Variants in RPL23A observed in about 807,000 individuals in gnomAD.
The protein encoded by RPL23A is large ribosomal subunit protein uL23.
Under a neutral mutation model 17.6 loss-of-function variants are expected in RPL23A, and 2 were observed. That is an observed-to-expected ratio of 0.11 (90% CI 0.05 to 0.36). The LOEUF is 0.36. Among genes scored for constraint, RPL23A ranks in the 10% least tolerant of loss-of-function variants. RPL23A has a pLI of 1.00. For synonymous variants in RPL23A, 65 were observed against 74.3 expected, an observed-to-expected ratio of 0.87 and a Z score of 0.65; for missense variants, 132 against 194.4, an observed-to-expected ratio of 0.68 and a Z score of 1.91.
At position 28,722,725 on chromosome 17, in the gene RPL23A, T is replaced by G. The variant is rs1221588001; in HGVS notation, c.212T>G (p.Leu71Arg). The G allele has an allele frequency of 2.5e-6, 4 of 1,614,144 alleles. No individual in the cohort carries two copies. The highest frequency in any genetic ancestry group is 3.4e-6 in the Non-Finnish European group (4 of 1,179,990). ...TGACCCCATTTTGCCTCTCCCAGGC[T>G]TGACCACTATGCTATCATCAAGTTT... ...PRKSAPRRNK[L>R]DHYAIIKFPL... is the part of the protein sequence containing the mutation. The change falls in exon 3 of 5, where the codon CTT (leucine) becomes CGT (arginine). Residue 71 changes from leucine to arginine, a missense_variant and splice_region_variant. Around this residue, in one of 2 missense-constraint regions of RPL23A, gnomAD observed 69 missense variants for 145.5 expected, o/e 0.47. Transcript: ENST00000422514.
intron 3 of RPL23A, among the ~76,000 whole-genome samples, chr17:28,723,113 T>A (rs527578097): frequency 3.3e-3 from 437 of 131,546 alleles, no homozygotes; most frequent in African/African-American, 9.2e-3. Context: ...AGGCCCTTTT[T>A]AAAAAAAAAA....
rs555474510 is a variant in RPL23A, at chr17:28,721,332, C to A, written c.209+442C>A. 1.2e-4 allele frequency: 18 copies of A among 154,548 alleles called. No individual in the cohort carries two copies. In the South Asian group the frequency reaches 2.5e-3, roughly 22 times the overall value. The allele number at this position is 154,548 out of a possible 1,614,324, so 9.6% of individuals were successfully genotyped here. ...TCGTACCATTGCATTCCAGCCTGGGCAATAAGAGTGAAACTCTGTCTCAAA... is the reference window on the plus strand; with the variant it reads ...TCGTACCATTGCATTCCAGCCTGGGAAATAAGAGTGAAACTCTGTCTCAAA... On this transcript the variant is annotated intron_variant, in intron 2 of 4. Transcript: ENST00000422514.
Position 28,724,348 on chromosome 17 carries a change from T to C in RPL23A, c.*467T>C, listed in dbSNP as rs1597798774. The C allele has an allele frequency of 2.0e-5, 19 of 948,122 alleles. No homozygotes were observed. In the East Asian group the frequency reaches 4.3e-4, roughly 22 times the overall value. The allele number at this position is 948,122 out of a possible 1,614,324, so 58.7% of individuals were successfully genotyped here. ...CCCTTGCCCAATAAAGGACAAGGAC[T>C]TCAGAGGAGTACTTTCATTAGTGTT... On this transcript the variant is annotated 3_prime_UTR_variant, in exon 5 of 5. Transcript: ENST00000422514.
intron 2 of RPL23A, chr17:28,722,420 G>C: frequency 4.2e-6 from 2 of 472,712 alleles, no homozygotes; most frequent in South Asian, 3.3e-5. Context: ...CTCGTGATCA[G>C]CCTGCCTCAG....
chr17:28,720,170 G>T, intron 1 of RPL23A, 140 bp downstream of exon 1: 1 of 1,528,600 alleles, frequency 6.5e-7, no homozygotes, highest in Non-Finnish European at 8.8e-7. Context: ...ACACGCTGCA[G>T]TATACGTGGG....
At position 28,724,042 on chromosome 17, in the gene RPL23A, C is replaced by A. The variant is rs149030616; in HGVS notation, c.*161C>A. On this transcript the variant is annotated 3_prime_UTR_variant, in exon 5 of 5. Coordinates refer to ENST00000422514, the MANE Select transcript of RPL23A (RefSeq NM_000984.6). ...TGTTCTACTTATCCTTTTGAAATAC[C>A]TCACCCTGCCACTCCACCATGTATG... The A allele has an allele frequency of 8.8e-4, 495 of 561,896 alleles. 4 individuals carry two copies. The highest frequency in any genetic ancestry group is 7.4e-3 in the African/African-American group (391 of 53,008). The allele number at this position is 561,896 out of a possible 1,614,324, so 34.8% of individuals were successfully genotyped here.
At chr17:28,720,610 G>A (rs1237440454) in intron 1 of RPL23A, 97 bp from the exon 2 acceptor site, 6 of 1,412,422 alleles carry the variant, frequency 4.2e-6, no homozygotes, top group Non-Finnish European at 6.0e-6. Context: ...AGGAACCACT[G>A]ATGCACCTGT....
At chr17:28,722,552 G>A (rs1421857761) in intron 2 of RPL23A, 171 bp from the exon 3 acceptor site, 2 of 771,188 alleles carry the variant, frequency 2.6e-6, no homozygotes, top group Non-Finnish European at 2.4e-6. Context: ...TCTGCCCCTG[G>A]GATTGGGGCT....
intron 2 of RPL23A, chr17:28,722,387 C>T: frequency 2.5e-6 from 1 of 400,678 alleles, no homozygotes; most frequent in Non-Finnish European, 4.9e-6. Context: ...CCATGTTGGC[C>T]AGGATGGTCA....
intron 3 of RPL23A, 55 bp from the exon 4 acceptor site, chr17:28,723,516 G>T (rs1475765045): frequency 8.1e-7 from 1 of 1,241,602 alleles, no homozygotes; most frequent in East Asian, 2.3e-5. Flanking sequence ...GAGGAAGGGG[G>T]AGGGTGTGGG....
At position 28,720,470 on chromosome 17, in the gene RPL23A, A is replaced by C. The variant is rs781128965; in HGVS notation, c.26-237A>C. The C allele has an allele frequency of 2.3e-5, 37 of 1,606,588 alleles. No homozygotes were observed. The African/African-American group carries it at 4.4e-4, about 19-fold the overall frequency. On this transcript the variant is annotated intron_variant, in intron 1 of 4. Coordinates refer to ENST00000422514, the MANE Select transcript of RPL23A (RefSeq NM_000984.6). ...CGTAGGACATTTTCTGGAAAGTATC[A>C]AGCGTTCATTCAGTGCTACTTTGTT...
chr17:28,721,920 G>C (rs981609832), intron 2 of RPL23A: 3 of 152,160 alleles, frequency 2.0e-5, no homozygotes. Context: ...TTAAGCCACT[G>C]CTGTGGCTTA....
intron 2 of RPL23A, chr17:28,722,522 A>G: frequency 1.4e-6 from 1 of 735,038 alleles, no homozygotes; most frequent in Non-Finnish European, 2.5e-6. Context: ...GCCCTTCAAG[A>G]GAAAGAAAAT....
chr17:28,721,245 G>A (rs1222660317), intron 2 of RPL23A: 1 of 222,254 alleles, frequency 4.5e-6, no homozygotes, highest in South Asian at 5.7e-5. Flanking sequence ...CCAGCTACTC[G>A]CGGGAGGCTG....
Position 28,723,872 on chromosome 17 carries a change from G to C in RPL23A, c.462G>C (p.Gly154=). 6.2e-7 allele frequency: 1 copy of C among 1,602,818 alleles called. No homozygotes were observed. Among genetic ancestry groups the C allele is most frequent in the Non-Finnish European group, 8.5e-7 (1 of 1,170,172 alleles). The change falls in exon 5 of 5, where the codon GGG becomes GGC. Residue 154 remains glycine (G), a synonymous_variant. Transcript: ENST00000422514. ...GGCTCCCTTTTGTTTTTCAGATTGG[G>C]ATCATCTAAACTGAGTCCAGCTGCC... The part of the protein sequence containing the change: ...YDALDVANKI[G]II
At chr17:28,722,335 T>C (rs2034130360) in intron 2 of RPL23A, 3 of 348,506 alleles carry the variant, frequency 8.6e-6, no homozygotes, top group Non-Finnish European at 1.7e-5. Context: ...TGCACCACCA[T>C]GACCAGCTAA....
chr17:28,720,585 T>TTG (rs772073336), intron 1 of RPL23A, 122 bp from the exon 2 acceptor site: 177 of 1,373,718 alleles, frequency 1.3e-4, no homozygotes, highest in Non-Finnish European at 1.8e-4. Flanking sequence ...CTCCTGACAC[T>TTG]TGTGATGTCT....
intron 2 of RPL23A, 55 bp downstream of exon 2, chr17:28,720,945 T>C: frequency 6.7e-7 from 1 of 1,492,698 alleles, no homozygotes; most frequent in South Asian, 1.2e-5. Flanking sequence ...CATTGGTAAT[T>C]TGGAAATTCA....
At chr17:28,721,087 C>T in intron 2 of RPL23A, 197 bp downstream of exon 2, 1 of 516,532 alleles carries the variant, frequency 1.9e-6, no homozygotes, top group Admixed American at 3.2e-5. Flanking sequence ...CGCGGTGGCT[C>T]ACGTCTGTAA....
Sources: allele counts gnomAD v4.1 joint callset (sites outside exome capture counted in the v4.1 genomes callset), GRCh38; gene constraint gnomAD v4.1.1; regional missense constraint gnomAD v4.1.1; transcripts MANE v1.5; gene names NCBI Gene and HGNC (gene_info 2026-07-23, HGNC 2026-07-21).